Variants in FYN observed in about 807,000 individuals in gnomAD.
The protein encoded by FYN is FYN proto-oncogene, Src family tyrosine kinase, also known as tyrosine-protein kinase Fyn.
In FYN, 10 loss-of-function variants were observed where a neutral mutation model predicts 70.2. That is an observed-to-expected ratio of 0.14 (90% CI 0.09 to 0.24). FYN has a LOEUF of 0.24. FYN is among the 10% of genes least tolerant of loss of function. FYN has a pLI of 1.00. For synonymous variants in FYN, 236 were observed against 248.6 expected, an observed-to-expected ratio of 0.95 and a Z score of 0.48; for missense variants, 319 against 673.1, an observed-to-expected ratio of 0.47 and a Z score of 5.82.
chr6:111,702,750 A>T, intron 8 of FYN, 135 bp downstream of exon 8: 1 of 775,964 alleles, frequency 1.3e-6, no homozygotes, highest in Non-Finnish European at 2.0e-6. Flanking sequence ...CCCTACCATT[A>T]AGGGCTGGCA....
chr6:111,791,080 C>A (rs1771603872), intron 2 of FYN, among the ~76,000 whole-genome samples: 1 of 151,880 alleles, frequency 6.6e-6, no homozygotes, highest in African/African-American at 2.4e-5. Context: ...AGTTTATAAG[C>A]AAATGCAAAG....
intron 9 of FYN, chr6:111,699,791 G>T: frequency 1.1e-6 from 1 of 949,398 alleles, no homozygotes. Flanking sequence ...TTTGCTTTTG[G>T]AAATGAAGAG....
chr6:111,841,871 C>T (rs1030075837), intron 2 of FYN, among the ~76,000 whole-genome samples: 7 of 151,340 alleles, frequency 4.6e-5, no homozygotes, highest in Non-Finnish European at 5.9e-5. Flanking sequence ...CAGGGATTTA[C>T]ATAAAAGAAA....
chr6:111,697,503 A>G (rs1035292476), intron 9 of FYN, among the ~76,000 whole-genome samples: 1 of 152,220 alleles, frequency 6.6e-6, no homozygotes, highest in Non-Finnish European at 1.5e-5. Flanking sequence ...TTATCCTGTT[A>G]AAGACATGGT....
intron 2 of FYN, among the ~76,000 whole-genome samples, chr6:111,835,557 C>A (rs926927697): frequency 1.4e-4 from 21 of 152,330 alleles, no homozygotes; most frequent in African/African-American, 4.6e-4. Flanking sequence ...GCAAGTCCTG[C>A]CCCTGTACCC....
At chr6:111,680,923 T>A (rs4947143) in intron 12 of FYN, among the ~76,000 whole-genome samples, 1 of 152,026 alleles carries the variant, frequency 6.6e-6, no homozygotes, top group South Asian at 2.1e-4. Context: ...GTCTCCCCTG[T>A]GGGCTCTTCT....
intron 7 of FYN, among the ~76,000 whole-genome samples, chr6:111,703,248 A>G (rs1294385162): frequency 1.3e-5 from 2 of 152,198 alleles, no homozygotes; most frequent in Admixed American, 1.3e-4. Flanking sequence ...TGCCCTTGAG[A>G]CTGAAAGCTT....
intron 6 of FYN, among the ~76,000 whole-genome samples, chr6:111,707,189 T>C (rs1283952544): frequency 1.3e-5 from 2 of 152,214 alleles, no homozygotes; most frequent in Non-Finnish European, 2.9e-5. Context: ...CATGGCTCCA[T>C]CTCTCCTTCC....
chr6:111,705,384 C>CT (rs879920621), intron 6 of FYN, among the ~76,000 whole-genome samples: 8,373 of 138,114 alleles, frequency 0.061, 764 homozygotes, highest in African/African-American at 0.2. Flanking sequence ...TCTTCTTCTT[C>CT]TTTTTTTTTT....
At chr6:111,784,546 G>C (rs1020994977) in intron 2 of FYN, among the ~76,000 whole-genome samples, 1 of 152,206 alleles carries the variant, frequency 6.6e-6, no homozygotes, top group African/African-American at 2.4e-5. Flanking sequence ...ATCAACTGGA[G>C]GAAATGCTGA....
In FYN at chr6:111,676,170, T is replaced by C. The variant is rs866096734; in HGVS notation, c.1274-1540A>G. ...ATAAATTACAGCAATTAGATTTTTG[T>C]CTTAAATACAGCATATGATAACATC... On this transcript the variant is annotated intron_variant, in intron 12 of 13. Coordinates refer to ENST00000354650, the MANE Select transcript of FYN (RefSeq NM_002037.5). Among the ~76,000 whole-genome samples the C allele has an allele frequency of 2.6e-5, 4 of 152,220 alleles. No homozygotes were observed. The South Asian group carries it at 6.2e-4, about 24-fold the overall frequency.
chr6:111,760,462 C>T (rs933081726), intron 3 of FYN, among the ~76,000 whole-genome samples: 9 of 152,168 alleles, frequency 5.9e-5, no homozygotes, highest in African/African-American at 2.2e-4. Context: ...ACAGAAGATC[C>T]ACAGGCAAGG....
At chr6:111,816,516 GA>G (rs1461139653) in intron 2 of FYN, among the ~76,000 whole-genome samples, 1 of 152,196 alleles carries the variant, frequency 6.6e-6, no homozygotes, top group African/African-American at 2.4e-5. Context: ...AAGACTCAAA[GA>G]AAAGTGTACT....
chr6:111,710,552 C>G (rs1056815178), intron 5 of FYN, among the ~76,000 whole-genome samples: 1 of 152,116 alleles, frequency 6.6e-6, no homozygotes, highest in Non-Finnish European at 1.5e-5. Context: ...AAGATAAAAT[C>G]CTTGATTTCT....
At chr6:111,732,592 A>G (rs1457748562) in intron 3 of FYN, among the ~76,000 whole-genome samples, 1 of 152,198 alleles carries the variant, frequency 6.6e-6, no homozygotes, top group Non-Finnish European at 1.5e-5. Context: ...AGCTTTAGTG[A>G]GCCTCTGGCT....
chr6:111,847,624 C>A, intron 1 of FYN, among the ~76,000 whole-genome samples: 1 of 152,078 alleles, frequency 6.6e-6, no homozygotes, highest in Non-Finnish European at 1.5e-5. Flanking sequence ...TTAAAACACC[C>A]CCATGATAAG....
intron 3 of FYN, among the ~76,000 whole-genome samples, chr6:111,771,415 C>G (rs1175498653): frequency 6.6e-6 from 1 of 152,156 alleles, no homozygotes; most frequent in African/African-American, 2.4e-5. Context: ...TAATGTTAAC[C>G]TACCAATTAA....
At chr6:111,872,367 G>T (rs1774301802) in intron 1 of FYN, among the ~76,000 whole-genome samples, 1 of 150,078 alleles carries the variant, frequency 6.7e-6, no homozygotes, top group Admixed American at 6.6e-5. Context: ...CAGAGGAAGA[G>T]GAGGGAAGGC....
chr6:111,826,625 A>C (rs571782594), intron 2 of FYN, among the ~76,000 whole-genome samples: 1 of 152,196 alleles, frequency 6.6e-6, no homozygotes, highest in Non-Finnish European at 1.5e-5. Flanking sequence ...TCTTTGTTAC[A>C]TTTTTAAAAT....
Sources: allele counts gnomAD v4.1 joint callset (sites outside exome capture counted in the v4.1 genomes callset), GRCh38; gene constraint gnomAD v4.1.1; transcripts MANE v1.5; gene names NCBI Gene and HGNC (gene_info 2026-07-23, HGNC 2026-07-21).